PATJ: variants seen among roughly 807,000 people sequenced by gnomAD.
PATJ encodes inaD-like protein.
PATJ carries 190 observed loss-of-function variants against 224.9 expected under a neutral mutation model. That is an observed-to-expected ratio of 0.84 (90% CI 0.75 to 0.95). The LOEUF is 0.95. Among genes scored for constraint, PATJ ranks in the 40% least tolerant of loss-of-function variants. The pLI, the probability that PATJ is intolerant of heterozygous loss-of-function variation, is 0.00. For missense variants in PATJ, 2,121 were observed against 2,270.3 expected (o/e 0.93, Z 1.34); for synonymous variants, 769 against 820.3 (o/e 0.94, Z 1.07).
intron 22 of PATJ, among the ~76,000 whole-genome samples, chr1:61,887,947 T>A (rs1408395632): frequency 1.3e-5 from 2 of 152,204 alleles, no homozygotes; most frequent in African/African-American, 4.8e-5. Context: ...TAGATTTAGA[T>A]GATGTGCATT....
At chr1:61,828,592 G>T (rs988166916) in intron 16 of PATJ, among the ~76,000 whole-genome samples, 4 of 151,612 alleles carry the variant, frequency 2.6e-5, no homozygotes, top group African/African-American at 9.7e-5. Context: ...GGGTCTTGCC[G>T]TATTTCCCAG....
intron 31 of PATJ, among the ~76,000 whole-genome samples, chr1:62,066,870 T>A (rs1235682933): frequency 6.6e-6 from 1 of 152,094 alleles, no homozygotes; most frequent in African/African-American, 2.4e-5. Context: ...GTGGACACAG[T>A]CCTTGTTTAC....
chr1:62,006,184 G>C (rs1282778161), intron 28 of PATJ, among the ~76,000 whole-genome samples: 1 of 151,892 alleles, frequency 6.6e-6, no homozygotes, highest in African/African-American at 2.4e-5. Context: ...GCGCAATCTC[G>C]GCTCTCTGCA....
intron 20 of PATJ, among the ~76,000 whole-genome samples, chr1:61,866,369 A>G (rs1039270699): frequency 6.6e-6 from 1 of 152,210 alleles, no homozygotes; most frequent in Non-Finnish European, 1.5e-5. Context: ...TTAGTTAAAC[A>G]TTCAATTTGA....
rs1673145797 is a variant in PATJ at position 61,914,487 on chromosome 1, T to G, written c.3493-100T>G. 5 of 567,804 alleles carry G rather than the reference T, an allele frequency of 8.8e-6. No homozygotes were observed. The South Asian group carries it at 8.8e-5, about 10-fold the overall frequency. The allele number at this position is 567,804 out of a possible 1,614,324, so 35.2% of individuals were successfully genotyped here. Reference sequence around the variant, plus strand: ...AAGAAAAAAACAGAAATGTAATGATTGAAAAAAAATTCTCCATTGTGGAAT... The same window carrying G: ...AAGAAAAAAACAGAAATGTAATGATGGAAAAAAAATTCTCCATTGTGGAAT... On this transcript the variant is annotated intron_variant, in intron 25 of 43. Coordinates refer to ENST00000642238, the MANE Select transcript of PATJ (RefSeq NM_001350145.3).
chr1:61,871,087 T>C (rs996025891), intron 20 of PATJ, among the ~76,000 whole-genome samples: 1 of 149,708 alleles, frequency 6.7e-6, no homozygotes, highest in Non-Finnish European at 1.5e-5. Context: ...TTGTTTTTTT[T>C]TTTTTGCCTG....
intron 11 of PATJ, among the ~76,000 whole-genome samples, chr1:61,800,778 G>A (rs1032293693): frequency 2.6e-5 from 4 of 151,980 alleles, no homozygotes; most frequent in Non-Finnish European, 4.4e-5. Flanking sequence ...CCCACCCTGT[G>A]TCCAAGTGTT....
intron 27 of PATJ, among the ~76,000 whole-genome samples, chr1:61,977,880 G>C (rs1326766859): frequency 7.8e-6 from 1 of 127,942 alleles, no homozygotes; most frequent in Non-Finnish European, 1.6e-5. Context: ...AACATAGTAA[G>C]ACTCAAAAAA....
chr1:61,780,506 A>G (rs1208537951), intron 7 of PATJ, among the ~76,000 whole-genome samples: 8 of 152,230 alleles, frequency 5.3e-5, no homozygotes, highest in East Asian at 1.9e-4. Context: ...TCTGTGGCAC[A>G]ACACAATATT....
intron 30 of PATJ, among the ~76,000 whole-genome samples, chr1:62,043,726 T>TG (rs112036402): frequency 0.33 from 49,610 of 151,228 alleles, 8,952 homozygotes; most frequent in Middle Eastern, 0.44. Context: ...GGTTTTGGTT[T>TG]GGGGGGGGCA....
chr1:62,117,518 AAG>A (rs1013680049), intron 37 of PATJ: 312 of 711,970 alleles, frequency 4.4e-4, no homozygotes, highest in African/African-American at 1.7e-3. Context: ...AAAAAAAAAA[AAG>A]GCAACATCTG....
rs911112504 is a variant in PATJ, at chr1:61,787,672, G to C, written c.850-82G>C. On this transcript the variant is annotated intron_variant, in intron 7 of 43. Transcript: ENST00000642238. Reference sequence around the variant, plus strand: ...GGCTTCTTTGTCAGCCATTTTGCCAGAGCTGAAAGTCTGATGAATTGTTAT... The same window carrying C: ...GGCTTCTTTGTCAGCCATTTTGCCACAGCTGAAAGTCTGATGAATTGTTAT... 7 of 1,043,800 alleles carry C rather than the reference G, an allele frequency of 6.7e-6. No homozygotes were observed. In the East Asian group the frequency reaches 7.3e-5, roughly 11 times the overall value. 64.7% of individuals were successfully genotyped at this position (1,043,800 alleles called of 1,614,324 possible).
chr1:61,854,733 G>A (rs907280186), intron 17 of PATJ, among the ~76,000 whole-genome samples: 2 of 152,198 alleles, frequency 1.3e-5, no homozygotes, highest in Non-Finnish European at 1.5e-5. Context: ...GATTAGATAA[G>A]TTAGTGATTG....
chr1:62,038,285 A>G (rs1350582142), intron 30 of PATJ, among the ~76,000 whole-genome samples: 2 of 152,208 alleles, frequency 1.3e-5, no homozygotes, highest in Non-Finnish European at 2.9e-5. Context: ...TCCTCTAAAT[A>G]TATAATTTTG....
At chr1:61,993,241 G>C (rs923134711) in intron 28 of PATJ, among the ~76,000 whole-genome samples, 1 of 152,126 alleles carries the variant, frequency 6.6e-6, no homozygotes, top group Admixed American at 6.6e-5. Context: ...CTTATATTTA[G>C]TCATAAAGGA....
intron 28 of PATJ, among the ~76,000 whole-genome samples, chr1:61,999,776 G>A (rs1184622488): frequency 6.6e-6 from 1 of 152,188 alleles, no homozygotes; most frequent in Non-Finnish European, 1.5e-5. Context: ...AACCTGATAG[G>A]TGAAAGTTTT....
intron 36 of PATJ, among the ~76,000 whole-genome samples, chr1:62,116,904 A>G (rs1260595257): frequency 6.6e-6 from 1 of 152,206 alleles, no homozygotes; most frequent in Non-Finnish European, 1.5e-5. Context: ...TTCACAAGCA[A>G]GTTTTTCATA....
chr1:61,908,222 C>G, intron 24 of PATJ, 150 bp from the exon 25 acceptor site: 1 of 579,794 alleles, frequency 1.7e-6, no homozygotes. Flanking sequence ...AATTGCCAAG[C>G]TTTTTATGGG....
In PATJ at chr1:61,833,487, T is replaced by G. The variant is rs1659682216; in HGVS notation, c.1981-167T>G. 1.3e-5 allele frequency: 7 copies of G among 532,632 alleles called. No individual in the cohort carries two copies. The Admixed American group carries it at 1.9e-4, about 14-fold the overall frequency. The allele number at this position is 532,632 out of a possible 1,614,324, so 33.0% of individuals were successfully genotyped here. On this transcript the variant is annotated intron_variant, in intron 16 of 43. Transcript: ENST00000642238. ...ATTTTTATAAGATCTTATCCTGGAG[T>G]GTGTGTGCCCCAGAGCATGCCCCTT...
Sources: gnomAD v4.1 joint callset for allele counts (sites outside exome capture counted in the v4.1 genomes callset) on GRCh38, gnomAD v4.1.1 for gene constraint, MANE v1.5 for transcripts, NCBI Gene and HGNC (gene_info 2026-07-23, HGNC 2026-07-21) for gene names.